The following RYR1 variants were observed in gnomAD, a reference collection of about 807,000 sequenced individuals.
The protein encoded by RYR1 is central core disease of muscle.
RYR1 carries 342 observed loss-of-function variants against 583.5 expected under a neutral mutation model. The observed-to-expected ratio is 0.59, with a 90% CI of 0.54 to 0.64. The LOEUF (loss-of-function observed/expected upper bound fraction) is 0.64. Ranked by LOEUF, RYR1 falls within the 30% of genes least tolerant of loss-of-function variation. RYR1 has a pLI of 0.00. For synonymous variants in RYR1, 2,791 were observed against 2,822.5 expected (o/e 0.99, Z 0.35); for missense variants, 6,032 against 6,917.2 (o/e 0.87, Z 4.54).
Position 38,448,445 on chromosome 19 carries a change from C to T in RYR1, c.891C>T (p.Gly297=), listed in dbSNP as rs887496402. The part of the protein sequence containing the change: ...GQYLALTEDQ[G]LVVVDASKAH... Reference sequence around the variant, plus strand: ...ACCTAGCGCTCACCGAGGACCAGGGCCTGGTGGTGGTTGACGCCAGCAAGG... The same window carrying T: ...ACCTAGCGCTCACCGAGGACCAGGGTCTGGTGGTGGTTGACGCCAGCAAGG... The change falls in exon 10 of 106, where the codon GGC becomes GGT. Residue 297 remains glycine (G), a synonymous_variant. Transcript: ENST00000359596. 1.9e-6 allele frequency: 3 copies of T among 1,613,882 alleles called. No individual in the cohort carries two copies. In the East Asian group the frequency reaches 6.7e-5, roughly 36 times the overall value.
In RYR1 at chr19:38,490,269, A is replaced by G. The variant is rs754874248; in HGVS notation, c.6008A>G (p.Gln2003Arg). 3 of 1,613,754 alleles carry G rather than the reference A, an allele frequency of 1.9e-6. No individual in the cohort carries two copies. Among genetic ancestry groups the G allele is most frequent in the Non-Finnish European group, 1.7e-6 (2 of 1,179,866 alleles). Residue 2003 changes from glutamine to arginine, a missense_variant, in exon 36 of 106, where the codon CAG (glutamine) becomes CGG (arginine). By Grantham distance (43) the Gln-to-Arg change is conservative. Coordinates refer to ENST00000359596, the MANE Select transcript of RYR1 (RefSeq NM_000540.3). ...RRTREFRSPP[Q>R]EQINMLLQFK... Reference sequence around the variant, plus strand: ...ACCCGCGAGTTCCGCTCCCCACCCCAGGAACAGGTCATCTGACCCCTGACG... The same window carrying G: ...ACCCGCGAGTTCCGCTCCCCACCCCGGGAACAGGTCATCTGACCCCTGACG...
In RYR1 at chr19:38,473,540, C is replaced by T; in HGVS notation, c.3929C>T (p.Ala1310Val). The T allele has an allele frequency of 1.2e-6, 2 of 1,607,970 alleles. No individual in the cohort carries two copies. The highest frequency in any genetic ancestry group is 1.1e-5 in the South Asian group (1 of 90,484). ...TGCACTGCAGGGGCCACCCCGCTGGCACCTCCTGGCCTGCAGCCCCCCGCC... is the reference window on the plus strand; with the variant it reads ...TGCACTGCAGGGGCCACCCCGCTGGTACCTCCTGGCCTGCAGCCCCCCGCC... ...FRCTAGATPLAPPGLQPPAED... is the reference protein window; with the variant it reads ...FRCTAGATPLVPPGLQPPAED... Residue 1310 changes from alanine to valine, a missense_variant, in exon 28 of 106, where the codon GCA (alanine) becomes GTA (valine). Transcript: ENST00000359596.
At chr19:38,582,829 G>A (rs1262267610) in intron 101 of RYR1, among the ~76,000 whole-genome samples, 1 of 152,188 alleles carries the variant, frequency 6.6e-6, no homozygotes, top group African/African-American at 2.4e-5. Flanking sequence ...ATGTCCTGCA[G>A]TCTGGCTCCG....
rs1027127202 is a variant in RYR1, at chr19:38,473,362, T to C, written c.3766-15T>C. 6.2e-7 allele frequency: 1 copy of C among 1,613,526 alleles called. No individual in the cohort carries two copies. The highest frequency in any genetic ancestry group is 1.3e-5 in the African/African-American group (1 of 74,880). On this transcript the variant is annotated splice_polypyrimidine_tract_variant and intron_variant, in intron 27 of 105. Transcript: ENST00000359596. ...CCGCCTGCCCAGCCCAGTACTCCAT[T>C]CCCTGCCACCTCAGGTATCCCGAGT...
Position 38,499,269 on chromosome 19 carries a change from G to A in RYR1, c.7027+26G>A. On this transcript the variant is annotated intron_variant, in intron 43 of 105. Transcript: ENST00000359596. The surrounding 1 kb of genome is among the most constrained non-coding windows in gnomAD (Gnocchi z 7.3). The stretch of plus-strand genomic sequence containing the variant: ...GTGAGGAGGGGGTGGCAGTGGCAGA[G>A]CGGGAAGTATGGAGTCACTGGTCAC... The A allele has an allele frequency of 6.2e-7, 1 of 1,614,124 alleles. No homozygotes were observed. The highest frequency in any genetic ancestry group is 8.5e-7 in the Non-Finnish European group (1 of 1,180,012).
Position 38,489,267 on chromosome 19 carries a change from G to C in RYR1, c.5638G>C (p.Glu1880Gln), listed in dbSNP as rs777733662. The change falls in exon 35 of 106, where the codon GAG (glutamate) becomes CAG (glutamine). Residue 1880 changes from glutamate to glutamine, a missense_variant. This residue lies in a region of RYR1 where 2,627 missense variants were observed against 2,961.3 expected (regional missense o/e 0.89). Coordinates refer to ENST00000359596, the MANE Select transcript of RYR1 (RefSeq NM_000540.3). ...CACTGAGGAAGAAGAGGAGGAGGAC[G>C]AGGAGGAAGAGGGTGAAGAGGAAGA... ...VFTEEEEEEDEEEEGEEEDEE... is the reference protein window; with the variant it reads ...VFTEEEEEEDQEEEGEEEDEE... The C allele has an allele frequency of 1.2e-6, 2 of 1,610,152 alleles. No homozygotes were observed. The highest frequency in any genetic ancestry group is 1.7e-6 in the Non-Finnish European group (2 of 1,176,562).
chr19:38,479,442 C>G (rs1968903467), intron 31 of RYR1, among the ~76,000 whole-genome samples: 1 of 152,184 alleles, frequency 6.6e-6, no homozygotes, highest in African/African-American at 2.4e-5. Context: ...GGGCCTCACT[C>G]TGTCCCCCAG....
rs111235642 is a variant in RYR1, at chr19:38,535,868, C to T, written c.11517-129C>T. 1,042 of 823,974 alleles carry T rather than the reference C, an allele frequency of 1.3e-3. 11 individuals are homozygous for T. The African/African-American group carries it at 0.015, about 12-fold the overall frequency. 51.0% of individuals were successfully genotyped at this position (823,974 alleles called of 1,614,324 possible). On this transcript the variant is annotated intron_variant, in intron 81 of 105. Transcript: ENST00000359596. ...TGCCAACTCTTCATTTCTGCTTCCT[C>T]TTGATTTCAGCGCATAGATGGTTTA...
rs188980516 is a variant in RYR1 at position 38,584,130 on chromosome 19, G to A, written c.14647-813G>A. ...TCACCTGATCACCTAGGCTGGATCA[G>A]ATGCCTCCAGCGGGCTGTTAAAGCT... On this transcript the variant is annotated intron_variant, in intron 101 of 105. Transcript: ENST00000359596. 1.2e-4 allele frequency among the ~76,000 whole-genome samples: 18 copies of A among 151,992 alleles called. No homozygotes were observed. The East Asian group carries it at 3.5e-3, about 29-fold the overall frequency.
intron 66 of RYR1, among the ~76,000 whole-genome samples, chr19:38,518,165 TGAGA>T (rs905811459): frequency 7.1e-6 from 1 of 140,604 alleles, no homozygotes; most frequent in African/African-American, 2.7e-5. Flanking sequence ...AAGGATGGAG[TGAGA>T]GAGGGAGGGA....
At chr19:38,536,988 C>T in intron 83 of RYR1, 1 of 606,014 alleles carries the variant, frequency 1.7e-6, no homozygotes. Flanking sequence ...GTGAACAAGT[C>T]TCTTACCTTC....
At chr19:38,529,638 C>A (rs1447380639) in intron 76 of RYR1, among the ~76,000 whole-genome samples, 2 of 152,102 alleles carry the variant, frequency 1.3e-5, no homozygotes, top group African/African-American at 4.8e-5. Context: ...GTGTCTTGCT[C>A]AAATAAAATC....
In RYR1 at chr19:38,502,814, A is replaced by AGCAGGGGCAGGG. The variant is rs769657214; in HGVS notation, c.7836-61_7836-50dup. 9.0e-5 allele frequency: 62 copies of AGCAGGGGCAGGG among 691,640 alleles called. 1 individual carries two copies. Among genetic ancestry groups the AGCAGGGGCAGGG allele is most frequent in the African/African-American group, 3.4e-4 (7 of 20,484 alleles). The allele number at this position is 691,640 out of a possible 1,614,324, so 42.8% of individuals were successfully genotyped here. A position where few individuals can be genotyped will look rare whatever the true frequency, so the allele number is the denominator to read the frequency against. ...GGGCAGGGGCAGGGGCAGGGGGAGGAGCAGGGGCAGGGGCAGCAGAGCGGG... is the reference window on the plus strand; with the variant it reads ...GGGCAGGGGCAGGGGCAGGGGGAGGAGCAGGGGCAGGGGCAGGGGCAGGGGCAGCAGAGCGGG... On this transcript the variant is annotated intron_variant, in intron 48 of 105. Coordinates refer to ENST00000359596, the MANE Select transcript of RYR1 (RefSeq NM_000540.3).
At chr19:38,572,408 G>A (rs1973762371) in intron 95 of RYR1, 138 bp downstream of exon 95, 1 of 1,062,846 alleles carries the variant, frequency 9.4e-7, no homozygotes, top group Non-Finnish European at 1.4e-6. Context: ...TGAGGGCTGG[G>A]GAACTGGGTA....
At chr19:38,571,142 C>G (rs556508184) in intron 94 of RYR1, among the ~76,000 whole-genome samples, 1 of 152,122 alleles carries the variant, frequency 6.6e-6, no homozygotes, top group Non-Finnish European at 1.5e-5. Flanking sequence ...ACAAAGGGAC[C>G]CTTGGGGTCT....
chr19:38,530,987 CTTT>C (rs59244176), intron 76 of RYR1, among the ~76,000 whole-genome samples: 6 of 129,366 alleles, frequency 4.6e-5, no homozygotes, highest in African/African-American at 8.8e-5. Context: ...TTTTCTTTCT[CTTT>C]TTTTTTTTTT....
In RYR1 at chr19:38,512,513, C is replaced by T. The variant is rs77374921; in HGVS notation, c.9472+30C>T. On this transcript the variant is annotated intron_variant, in intron 63 of 105. Transcript: ENST00000359596. This position sits in a 1 kb window ranked among gnomAD's most constrained non-coding sequence, Gnocchi z 5.1. ...GGGCGCCTGACCCAAGGGCAGGTTGCGGGGAGTCAGTGTGGCCAACACCAC... is the reference window on the plus strand; with the variant it reads ...GGGCGCCTGACCCAAGGGCAGGTTGTGGGGAGTCAGTGTGGCCAACACCAC... The T allele has an allele frequency of 0.065, 103,820 of 1,598,026 alleles. 3,745 individuals carry two copies. Among genetic ancestry groups the T allele is most frequent in the South Asian group, 0.12 (10,744 of 90,974 alleles).
At chr19:38,488,703 C>G (rs1443946613) in intron 34 of RYR1, among the ~76,000 whole-genome samples, 1 of 152,130 alleles carries the variant, frequency 6.6e-6, no homozygotes, top group East Asian at 1.9e-4. Flanking sequence ...CGGGGTTTCA[C>G]CATGTTGGCC....
chr19:38,495,928 A>C (rs528183008), intron 39 of RYR1, among the ~76,000 whole-genome samples: 1 of 151,922 alleles, frequency 6.6e-6, no homozygotes, highest in South Asian at 2.1e-4. Context: ...ACGCCTGGCT[A>C]ATTTTTGTAT....
Sources: allele counts gnomAD v4.1 joint callset (sites outside exome capture counted in the v4.1 genomes callset), GRCh38; gene constraint gnomAD v4.1.1; regional missense constraint gnomAD v4.1.1; non-coding constraint Gnocchi (gnomAD v3.1); transcripts MANE v1.5; gene names NCBI Gene and HGNC (gene_info 2026-07-23, HGNC 2026-07-21).